Variants in MRAP2 observed in about 807,000 individuals in gnomAD.
MRAP2 encodes melanocortin 2 receptor accessory protein 2, also known as melanocortin-2 receptor accessory protein 2.
In MRAP2, 20 loss-of-function variants were observed where a neutral mutation model predicts 17.4. The observed-to-expected ratio is 1.15, with a 90% CI of 0.81 to 1.67. The LOEUF (loss-of-function observed/expected upper bound fraction) is 1.67, where lower values mean the gene tolerates loss of function less well. Ranked by LOEUF, MRAP2 falls within the 40% of genes most tolerant of loss-of-function variation. The probability of loss-of-function intolerance (pLI) is 0.00; values close to 1 mark genes in which losing one functional copy is unlikely to be tolerated. For synonymous variants in MRAP2, 96 were observed against 88.4 expected, an observed-to-expected ratio of 1.09 and a Z score of -0.48; for missense variants, 238 against 240.0, an observed-to-expected ratio of 0.99 and a Z score of 0.05.
the MRAP2 span, among the ~76,000 whole-genome samples, chr6:84,145,896 G>A: frequency 6.6e-6 from 1 of 152,062 alleles, no homozygotes; most frequent in African/African-American, 2.4e-5. Context: ...TTAGTATACA[G>A]ACTACTCCTA....
the MRAP2 span, among the ~76,000 whole-genome samples, chr6:84,099,358 C>T: frequency 3.1e-4 from 47 of 151,812 alleles, no homozygotes; most frequent in Middle Eastern, 3.2e-3. Flanking sequence ...ATTCTATTCA[C>T]CTGTTTGACA....
intron 1 of MRAP2, chr6:84,035,278 G>T (rs1487457274): frequency 8.5e-6 from 2 of 235,428 alleles, no homozygotes; most frequent in Non-Finnish European, 1.4e-5. Flanking sequence ...AGATGAGAAT[G>T]GACCCAGGAG....
the MRAP2 span, among the ~76,000 whole-genome samples, chr6:84,099,187 T>C: frequency 6.6e-6 from 1 of 151,518 alleles, no homozygotes; most frequent in African/African-American, 2.4e-5. Context: ...TTTTCTTTTT[T>C]TTTTTTTTTT....
intron 1 of MRAP2, among the ~76,000 whole-genome samples, chr6:84,037,994 G>A (rs113226647): frequency 0.012 from 1,894 of 152,346 alleles, 46 homozygotes; most frequent in African/African-American, 0.043. Context: ...TCACCTCTCA[G>A]TGGGGCCATT....
the MRAP2 span, among the ~76,000 whole-genome samples, chr6:84,138,947 AGT>A: frequency 3.3e-5 from 5 of 152,204 alleles, no homozygotes; most frequent in African/African-American, 1.2e-4. Context: ...GTAATTGTAG[AGT>A]GTTTTTACAT....
intron 1 of MRAP2, among the ~76,000 whole-genome samples, chr6:84,050,831 T>C (rs553114453): frequency 1.1e-4 from 16 of 152,296 alleles, no homozygotes; most frequent in African/African-American, 3.6e-4. Flanking sequence ...GTCATTGCAA[T>C]TGGGAACTTT....
the MRAP2 span, among the ~76,000 whole-genome samples, chr6:84,097,524 G>C: frequency 6.6e-6 from 1 of 152,172 alleles, no homozygotes; most frequent in African/African-American, 2.4e-5. Flanking sequence ...TATTTATTCA[G>C]TATTAGAATA....
chr6:84,053,555 T>C (rs1292792320), intron 1 of MRAP2, among the ~76,000 whole-genome samples: 1 of 152,206 alleles, frequency 6.6e-6, no homozygotes. Flanking sequence ...ATCAATCAAT[T>C]AACACTTGGT....
At chr6:84,128,351 G>A in the MRAP2 span, among the ~76,000 whole-genome samples, 1 of 150,814 alleles carries the variant, frequency 6.6e-6, no homozygotes, top group Non-Finnish European at 1.5e-5. Context: ...AGAGATAACT[G>A]AATACTTAAT....
the MRAP2 span, among the ~76,000 whole-genome samples, chr6:84,118,354 C>T: frequency 2.0e-5 from 3 of 151,818 alleles, no homozygotes; most frequent in African/African-American, 4.8e-5. Flanking sequence ...ACAGCGCAGT[C>T]GTCCAAACAC....
chr6:84,060,063 GGGAAATTAGT>G (rs2099492708), intron 2 of MRAP2, among the ~76,000 whole-genome samples: 1 of 152,154 alleles, frequency 6.6e-6, no homozygotes, highest in Non-Finnish European at 1.5e-5. Context: ...ATGAGGTTGG[GGGAAATTAGT>G]GGAAATAACT....
intron 1 of MRAP2, 47 bp from the exon 2 acceptor site, chr6:84,055,265 C>G: frequency 1.3e-6 from 2 of 1,581,838 alleles, no homozygotes; most frequent in Non-Finnish European, 1.7e-6. Context: ...CTGTGCAGCT[C>G]TGGATGAATT....
the MRAP2 span, among the ~76,000 whole-genome samples, chr6:84,114,072 T>C: frequency 0.69 from 104,824 of 151,942 alleles, 37,575 homozygotes; most frequent in African/African-American, 0.9. Flanking sequence ...TTGCTCTTCT[T>C]GAGTAGTATC....
the MRAP2 span, among the ~76,000 whole-genome samples, chr6:84,104,979 A>G: frequency 3.3e-5 from 5 of 152,342 alleles, no homozygotes; most frequent in South Asian, 2.1e-4. Context: ...TTGCTAAAAC[A>G]TAAGAGTCAC....
At position 84,089,123 on chromosome 6, in the gene MRAP2, T is replaced by C. The variant is rs1205706516; in HGVS notation, c.260T>C (p.Met87Thr). ...NAESSEKRFR[M>T]NSFVSDFGRP... The stretch of plus-strand genomic sequence containing the variant: ...GAGTCCTCAGAGAAGAGATTCAGAA[T>C]GAACAGCTTTGTGTCAGACTTTGGA... Residue 87 changes from methionine to threonine, a missense_variant, in exon 4 of 4, where the codon ATG becomes ACG. Physicochemically the swap from Met to Thr is moderately conservative, Grantham distance 81 (BLOSUM62 -1). Transcript: ENST00000257776. 3 of 1,613,834 alleles carry C rather than the reference T, an allele frequency of 1.9e-6. No individual in the cohort carries two copies. The South Asian group carries it at 3.3e-5, about 18-fold the overall frequency.
chr6:84,061,218 A>G (rs1353324912), intron 2 of MRAP2, among the ~76,000 whole-genome samples: 3 of 152,236 alleles, frequency 2.0e-5, no homozygotes, highest in African/African-American at 7.2e-5. Context: ...CATATACATA[A>G]TTTAATTAGA....
At chr6:84,062,614 C>CAT (rs1428681390) in intron 2 of MRAP2, 1 of 985,204 alleles carries the variant, frequency 1.0e-6, no homozygotes, top group Non-Finnish European at 1.2e-6. Flanking sequence ...TCCTAGATAA[C>CAT]CTATGCTCTG....
At chr6:84,092,622 A>G (rs113479193), downstream of MRAP2, among the ~76,000 whole-genome samples, 1,347 of 152,176 alleles carry the variant, frequency 8.9e-3, 24 homozygotes, top group African/African-American at 0.03. Context: ...GATACTAGTT[A>G]CTAATAGTTG....
At chr6:84,105,337 G>A in the MRAP2 span, among the ~76,000 whole-genome samples, 6 of 152,180 alleles carry the variant, frequency 3.9e-5, no homozygotes, top group African/African-American at 1.4e-4. Flanking sequence ...AGTTCCACGT[G>A]GCTGGGGAAG....
Sources: gnomAD v4.1 joint callset for allele counts (sites outside exome capture counted in the v4.1 genomes callset) on GRCh38, gnomAD v4.1.1 for gene constraint, MANE v1.5 for transcripts, NCBI Gene and HGNC (gene_info 2026-07-23, HGNC 2026-07-21) for gene names.